SIK2: variants seen among roughly 807,000 people sequenced by gnomAD.
SIK2 encodes salt inducible kinase 2.
SIK2 carries 29 observed loss-of-function variants against 103.2 expected under a neutral mutation model. That is an observed-to-expected ratio of 0.28 (90% CI 0.21 to 0.38). SIK2 has a LOEUF of 0.38. Among genes scored for constraint, SIK2 ranks in the 10% least tolerant of loss-of-function variants. The pLI is 1.00. For missense variants in SIK2, 879 were observed against 1,171.0 expected (o/e 0.75, Z 3.64); for synonymous variants, 412 against 446.1 (o/e 0.92, Z 0.96).
chr11:111,684,911 G>T (rs1193644839), intron 3 of SIK2, among the ~76,000 whole-genome samples: 1 of 152,112 alleles, frequency 6.6e-6, no homozygotes. Context: ...AGAATAAAAT[G>T]CCCACTTACA....
At position 111,726,306 on chromosome 11, in the gene SIK2, A is replaced by C. The variant is rs1394670769; in HGVS notation, c.*2177A>C. ...AACAATGCCATGAGCTGCTTAGCCC[A>C]GGAGACCTGGGAGCTATGGCAGGAC... On this transcript the variant is annotated 3_prime_UTR_variant, in exon 15 of 15. Coordinates refer to ENST00000304987, the MANE Select transcript of SIK2 (RefSeq NM_015191.3). 6.6e-6 allele frequency: 1 copy of C among 152,298 alleles called. No individual in the cohort carries two copies. The highest frequency in any genetic ancestry group is 1.5e-5 in the Non-Finnish European group (1 of 68,110). 9.4% of individuals were successfully genotyped at this position (152,298 alleles called of 1,614,324 possible).
intron 6 of SIK2, among the ~76,000 whole-genome samples, chr11:111,702,647 C>G (rs1344407201): frequency 6.6e-6 from 1 of 152,084 alleles, no homozygotes; most frequent in Non-Finnish European, 1.5e-5. Flanking sequence ...AGGAGGTTAC[C>G]TTATGTGTGA....
At chr11:111,620,459 A>G (rs1591590723) in intron 3 of SIK2, 57 bp downstream of exon 3, 1 of 1,099,280 alleles carries the variant, frequency 9.1e-7, no homozygotes, top group East Asian at 2.5e-5. Context: ...ATCTGCATGA[A>G]TGGGGTATTT....
chr11:111,697,036 T>C (rs1317148493), intron 4 of SIK2, among the ~76,000 whole-genome samples: 2 of 152,186 alleles, frequency 1.3e-5, no homozygotes, highest in Non-Finnish European at 2.9e-5. Context: ...CTGACAATTA[T>C]TAACTTCTTC....
chr11:111,608,576 CTG>C (rs1323110609), intron 1 of SIK2, among the ~76,000 whole-genome samples: 4 of 152,134 alleles, frequency 2.6e-5, no homozygotes, highest in Non-Finnish European at 4.4e-5. Context: ...TGCATATAAT[CTG>C]TGTTTTTTAC....
intron 9 of SIK2, among the ~76,000 whole-genome samples, chr11:111,719,388 A>T (rs3016598): frequency 1 from 135,295 of 135,302 alleles, 67,644 homozygotes; most frequent in Middle Eastern, 1. Flanking sequence ...CAATGAGCCA[A>T]GTAGTTAAAA....
intron 3 of SIK2, among the ~76,000 whole-genome samples, chr11:111,640,253 T>G (rs1472465696): frequency 6.6e-6 from 1 of 152,240 alleles, no homozygotes; most frequent in Non-Finnish European, 1.5e-5. Context: ...CATCAGTTCC[T>G]TTTGTTCTTG....
At chr11:111,612,915 GATAT>G (rs67675103) in intron 1 of SIK2, among the ~76,000 whole-genome samples, 60 of 50,004 alleles carry the variant, frequency 1.2e-3, no homozygotes, top group Middle Eastern at 0.01. Flanking sequence ...ATAGCAATGG[GATAT>G]ATATATATAT....
chr11:111,635,242 A>G (rs1019076380), intron 3 of SIK2, among the ~76,000 whole-genome samples: 4 of 152,116 alleles, frequency 2.6e-5, no homozygotes, highest in South Asian at 2.1e-4. Context: ...GACTTCTACT[A>G]TAAACATCCT....
intron 3 of SIK2, among the ~76,000 whole-genome samples, chr11:111,648,082 TTAAGGA>T (rs1008393057): frequency 6.6e-6 from 1 of 151,584 alleles, no homozygotes; most frequent in African/African-American, 2.4e-5. Flanking sequence ...AATAAGTTGT[TTAAGGA>T]TGAGCTTGCA....
rs998620568 is a variant in SIK2, at chr11:111,725,816, A to G, written c.*1687A>G. The stretch of plus-strand genomic sequence containing the variant: ...TTGAGCAGTCCCTGTTGCTGGCCAG[A>G]GACTGCCTGGTCGCCAGCGCTCACC... On this transcript the variant is annotated 3_prime_UTR_variant, in exon 15 of 15. Coordinates refer to ENST00000304987, the MANE Select transcript of SIK2 (RefSeq NM_015191.3). 1 of 152,582 alleles carries G rather than the reference A, an allele frequency of 6.6e-6. No homozygotes were observed. The highest frequency in any genetic ancestry group is 2.1e-4 in the South Asian group (1 of 4,828). The allele number at this position is 152,582 out of a possible 1,614,324, so 9.5% of individuals were successfully genotyped here.
At chr11:111,647,551 ACC>A (rs11307755) in intron 3 of SIK2, among the ~76,000 whole-genome samples, 1 of 134,272 alleles carries the variant, frequency 7.4e-6, no homozygotes, top group Admixed American at 7.9e-5. Context: ...GCAGAGGGAG[ACC>A]CCCATCTCGA....
intron 8 of SIK2, among the ~76,000 whole-genome samples, chr11:111,706,696 T>A (rs1035262284): frequency 6.6e-6 from 1 of 152,124 alleles, no homozygotes; most frequent in Non-Finnish European, 1.5e-5. Flanking sequence ...GCGTGGTGGC[T>A]CACACCTGTA....
intron 8 of SIK2, among the ~76,000 whole-genome samples, chr11:111,711,542 A>T (rs1283585486): frequency 6.6e-6 from 1 of 152,252 alleles, no homozygotes; most frequent in African/African-American, 2.4e-5. Context: ...CTTCAAAAAC[A>T]TAGCTTGCAG....
intron 3 of SIK2, among the ~76,000 whole-genome samples, chr11:111,637,223 C>T (rs1942119428): frequency 6.6e-6 from 1 of 151,656 alleles, no homozygotes; most frequent in Admixed American, 6.6e-5. Flanking sequence ...GTTTTGCTAC[C>T]ACATTTTAAT....
chr11:111,638,732 C>T (rs987758718), intron 3 of SIK2, among the ~76,000 whole-genome samples: 1 of 151,914 alleles, frequency 6.6e-6, no homozygotes, highest in African/African-American at 2.4e-5. Context: ...TCTTTAAATA[C>T]TTGAACATAG....
At chr11:111,699,422 A>G (rs1306592596) in intron 4 of SIK2, among the ~76,000 whole-genome samples, 2 of 152,194 alleles carry the variant, frequency 1.3e-5, no homozygotes, top group African/African-American at 2.4e-5. Flanking sequence ...CACGTCTAGT[A>G]TGCTCTGGCA....
chr11:111,650,858 T>A (rs577216732), intron 3 of SIK2, among the ~76,000 whole-genome samples: 8 of 152,248 alleles, frequency 5.3e-5, no homozygotes, highest in African/African-American at 1.7e-4. Context: ...TTAATCAAAG[T>A]CCTAAAAATA....
chr11:111,687,894 T>C, intron 3 of SIK2, 107 bp from the exon 4 acceptor site: 1 of 1,200,956 alleles, frequency 8.3e-7, no homozygotes. Flanking sequence ...CATGAGCCAC[T>C]GCTCCTGGCC....
Sources: gnomAD v4.1 joint callset for allele counts (sites outside exome capture counted in the v4.1 genomes callset) on GRCh38, gnomAD v4.1.1 for gene constraint, MANE v1.5 for transcripts, NCBI Gene and HGNC (gene_info 2026-07-23, HGNC 2026-07-21) for gene names.